Variants in CCSER1 observed in about 807,000 individuals in gnomAD.
The protein encoded by CCSER1 is serine-rich coiled-coil domain-containing protein 1.
CCSER1 carries 41 observed loss-of-function variants against 82.0 expected under a neutral mutation model. The observed-to-expected ratio is 0.50, with a 90% CI of 0.39 to 0.65. CCSER1 has a LOEUF of 0.65. Among genes scored for constraint, CCSER1 ranks in the 30% least tolerant of loss-of-function variants. The pLI, the probability that CCSER1 is intolerant of heterozygous loss-of-function variation, is 0.00. For synonymous variants in CCSER1, 414 were observed against 383.9 expected (o/e 1.08, Z -0.92); for missense variants, 1,119 against 1,064.2 (o/e 1.05, Z -0.72).
intron 10 of CCSER1, among the ~76,000 whole-genome samples, chr4:91,150,576 G>A (rs1431196569): frequency 1.3e-5 from 2 of 152,162 alleles, no homozygotes; most frequent in Non-Finnish European, 2.9e-5. Context: ...CAAAGGGAGT[G>A]ATTCCAGTTT....
At chr4:91,345,149 G>T (rs1348988335) in intron 10 of CCSER1, among the ~76,000 whole-genome samples, 2 of 152,136 alleles carry the variant, frequency 1.3e-5, no homozygotes, top group Non-Finnish European at 1.5e-5. Context: ...CCATCACTTT[G>T]GGAGGCCAAG....
At chr4:91,249,390 CT>C (rs1740075879) in intron 10 of CCSER1, among the ~76,000 whole-genome samples, 1 of 152,086 alleles carries the variant, frequency 6.6e-6, no homozygotes, top group African/African-American at 2.4e-5. Flanking sequence ...TCAGTTTAAT[CT>C]TAGAAAGTTT....
At chr4:90,881,301 G>GAGAC (rs757598948) in intron 8 of CCSER1, among the ~76,000 whole-genome samples, 1 of 151,940 alleles carries the variant, frequency 6.6e-6, no homozygotes, top group South Asian at 2.1e-4. Context: ...GGCAGAGACT[G>GAGAC]AGACAGACAG....
chr4:90,874,830 A>T (rs879426641), intron 8 of CCSER1, among the ~76,000 whole-genome samples: 17 of 151,974 alleles, frequency 1.1e-4, no homozygotes, highest in South Asian at 4.2e-4. Flanking sequence ...GGCGGATCAC[A>T]AGGTCAAGAG....
At chr4:90,892,732 A>G (rs552947161) in intron 8 of CCSER1, among the ~76,000 whole-genome samples, 1 of 152,180 alleles carries the variant, frequency 6.6e-6, no homozygotes, top group South Asian at 2.1e-4. Flanking sequence ...ATACATATAT[A>G]ATCACTTCTA....
intron 10 of CCSER1, among the ~76,000 whole-genome samples, chr4:91,338,827 G>T (rs1747500313): frequency 6.6e-6 from 1 of 151,900 alleles, no homozygotes; most frequent in South Asian, 2.1e-4. Flanking sequence ...AAATTTCCTG[G>T]TGATGCCCAC....
chr4:90,947,177 A>G (rs1011814300), intron 9 of CCSER1, among the ~76,000 whole-genome samples: 4 of 152,210 alleles, frequency 2.6e-5, no homozygotes, highest in South Asian at 4.1e-4. Context: ...GCAAATCAAC[A>G]TATGCCTACA....
intron 1 of CCSER1, among the ~76,000 whole-genome samples, chr4:90,157,371 G>A (rs1454182924): frequency 6.6e-6 from 1 of 152,154 alleles, no homozygotes; most frequent in Non-Finnish European, 1.5e-5. Context: ...CTCTTCTCGA[G>A]TAGTAGCTTT....
At chr4:91,159,425 A>T (rs879918080) in intron 10 of CCSER1, among the ~76,000 whole-genome samples, 1 of 151,932 alleles carries the variant, frequency 6.6e-6, no homozygotes, top group African/African-American at 2.4e-5. Flanking sequence ...TATCTCCAAA[A>T]ATTAGATAAA....
chr4:90,493,459 G>T (rs10212886), intron 5 of CCSER1, among the ~76,000 whole-genome samples: 18,869 of 151,886 alleles, frequency 0.12, 1,848 homozygotes, highest in African/African-American at 0.27. Flanking sequence ...TACACATAAT[G>T]GTCAGATTCA....
intron 10 of CCSER1, among the ~76,000 whole-genome samples, chr4:91,158,683 G>A (rs1391705608): frequency 6.6e-6 from 1 of 151,396 alleles, no homozygotes; most frequent in Non-Finnish European, 1.5e-5. Flanking sequence ...GCAGGCAAAC[G>A]CACATGCACG....
intron 10 of CCSER1, among the ~76,000 whole-genome samples, chr4:91,249,537 T>C (rs534470977): frequency 2.0e-5 from 3 of 152,238 alleles, no homozygotes; most frequent in African/African-American, 7.2e-5. Context: ...ACAGCTTTAT[T>C]CTACCTCACA....
At chr4:91,018,394 A>T (rs922028773) in intron 9 of CCSER1, among the ~76,000 whole-genome samples, 2 of 152,044 alleles carry the variant, frequency 1.3e-5, no homozygotes, top group African/African-American at 4.8e-5. Flanking sequence ...TTCATCTCTC[A>T]TTTGTACTAC....
intron 10 of CCSER1, among the ~76,000 whole-genome samples, chr4:91,299,690 AT>A (rs1276667257): frequency 6.6e-6 from 1 of 151,992 alleles, no homozygotes; most frequent in Admixed American, 6.6e-5. Flanking sequence ...ATAAAAACTG[AT>A]TTTTTATATG....
chr4:90,939,380 G>C (rs563856306), intron 9 of CCSER1, among the ~76,000 whole-genome samples: 2 of 152,274 alleles, frequency 1.3e-5, no homozygotes, highest in East Asian at 3.9e-4. Flanking sequence ...TATCCTAAAA[G>C]GATATCTGTG....
At chr4:90,412,794 A>G (rs1447821015) in intron 4 of CCSER1, among the ~76,000 whole-genome samples, 1 of 152,210 alleles carries the variant, frequency 6.6e-6, no homozygotes, top group Non-Finnish European at 1.5e-5. Context: ...ACCCACAGAC[A>G]ACATCATACT....
intron 9 of CCSER1, among the ~76,000 whole-genome samples, chr4:91,024,745 T>C (rs1273726974): frequency 6.6e-6 from 1 of 152,136 alleles, no homozygotes; most frequent in Admixed American, 6.6e-5. Context: ...TTTCTATTTA[T>C]ATTTATAGGA....
intron 10 of CCSER1, among the ~76,000 whole-genome samples, chr4:91,392,946 A>G (rs1434276396): frequency 6.6e-6 from 1 of 152,052 alleles, no homozygotes; most frequent in Non-Finnish European, 1.5e-5. Flanking sequence ...AGTTTTTGAT[A>G]AAGGAAGTCA....
chr4:91,050,215 G>T (rs1742874437), intron 9 of CCSER1, among the ~76,000 whole-genome samples: 1 of 152,166 alleles, frequency 6.6e-6, no homozygotes, highest in South Asian at 2.1e-4. Flanking sequence ...CGGATCACCT[G>T]AGGTCAGGAG....
Sources: allele counts gnomAD v4.1 joint callset (sites outside exome capture counted in the v4.1 genomes callset), GRCh38; gene constraint gnomAD v4.1.1; transcripts MANE v1.5; gene names NCBI Gene and HGNC (gene_info 2026-07-23, HGNC 2026-07-21).